The following CDK19 variants were observed in gnomAD, a reference collection of about 807,000 sequenced individuals.
The protein encoded by CDK19 is cyclin dependent kinase 19, also known as cyclin-dependent kinase 19.
CDK19 carries 20 observed loss-of-function variants against 68.3 expected under a neutral mutation model. The observed-to-expected ratio is 0.29, with a 90% CI of 0.21 to 0.43. The LOEUF is 0.43. Ranked by LOEUF, CDK19 falls within the 20% of genes least tolerant of loss-of-function variation. The probability of loss-of-function intolerance (pLI) is 1.00; values close to 1 mark genes in which losing one functional copy is unlikely to be tolerated. For missense variants in CDK19, 339 were observed against 623.5 expected (o/e 0.54, Z 4.86); for synonymous variants, 221 against 222.8 (o/e 0.99, Z 0.07).
chr6:110,745,525 C>G (rs1216719280), intron 2 of CDK19, among the ~76,000 whole-genome samples: 8 of 151,896 alleles, frequency 5.3e-5, no homozygotes, highest in African/African-American at 1.9e-4. Context: ...AGTCCTAAAG[C>G]TACAGAAAAA....
intron 1 of CDK19, chr6:110,814,521 G>A: frequency 2.2e-6 from 1 of 447,600 alleles, no homozygotes; most frequent in Non-Finnish European, 4.5e-6. Context: ...GGGCTGGCGA[G>A]GACCCCAGGC....
chr6:110,626,212 T>A (rs1313252576), intron 8 of CDK19, among the ~76,000 whole-genome samples: 1 of 152,228 alleles, frequency 6.6e-6, no homozygotes, highest in Non-Finnish European at 1.5e-5. Context: ...TAAAAGTTTT[T>A]AATACTGCAG....
At chr6:110,763,802 G>C (rs535268071) in intron 1 of CDK19, among the ~76,000 whole-genome samples, 35 of 152,200 alleles carry the variant, frequency 2.3e-4, no homozygotes, top group Admixed American at 5.2e-4. Context: ...AGATTGGAAA[G>C]GCAAAAATAA....
intron 1 of CDK19, among the ~76,000 whole-genome samples, chr6:110,764,536 T>C (rs1303742835): frequency 6.6e-6 from 1 of 152,238 alleles, no homozygotes; most frequent in Non-Finnish European, 1.5e-5. Flanking sequence ...GTGCTAGTTC[T>C]AGCACTGGAC....
intron 5 of CDK19, 57 bp downstream of exon 5, chr6:110,638,592 C>A: frequency 1.2e-6 from 1 of 851,082 alleles, no homozygotes; most frequent in Non-Finnish European, 2.0e-6. Context: ...AAAAGGGAAA[C>A]CATCTTTGCA....
chr6:110,810,885 A>G (rs1171057231), intron 1 of CDK19, among the ~76,000 whole-genome samples: 6 of 152,076 alleles, frequency 3.9e-5, no homozygotes, highest in Non-Finnish European at 7.4e-5. Flanking sequence ...TCCCTTTTCC[A>G]TATTTTTTTT....
intron 4 of CDK19, among the ~76,000 whole-genome samples, chr6:110,650,462 T>C (rs1179206519): frequency 6.6e-6 from 1 of 152,158 alleles, no homozygotes; most frequent in Non-Finnish European, 1.5e-5. Flanking sequence ...GTAACATCCA[T>C]AAATATTTCA....
At chr6:110,756,120 T>A (rs1778821187) in intron 1 of CDK19, among the ~76,000 whole-genome samples, 1 of 151,970 alleles carries the variant, frequency 6.6e-6, no homozygotes, top group Non-Finnish European at 1.5e-5. Flanking sequence ...TAGCTAGGCG[T>A]GGCACACACC....
At chr6:110,690,286 T>C (rs1424561902) in intron 2 of CDK19, among the ~76,000 whole-genome samples, 1 of 152,118 alleles carries the variant, frequency 6.6e-6, no homozygotes. Flanking sequence ...ACTCAGAACA[T>C]CAACATTCCT....
At chr6:110,632,662 C>T (rs572442747) in intron 5 of CDK19, among the ~76,000 whole-genome samples, 16 of 151,642 alleles carry the variant, frequency 1.1e-4, no homozygotes, top group South Asian at 8.4e-4. Flanking sequence ...ACCAGGGAGG[C>T]GGAGGCTGCA....
At chr6:110,662,490 G>T (rs1781681950) in intron 4 of CDK19, among the ~76,000 whole-genome samples, 2 of 152,074 alleles carry the variant, frequency 1.3e-5, no homozygotes, top group Non-Finnish European at 2.9e-5. Flanking sequence ...TTATCATTTA[G>T]CTGGCATTTC....
intron 2 of CDK19, among the ~76,000 whole-genome samples, chr6:110,695,225 T>C (rs1428502038): frequency 2.0e-5 from 3 of 152,194 alleles, no homozygotes; most frequent in East Asian, 1.9e-4. Flanking sequence ...TACAAATACA[T>C]GGAAATTAAA....
In CDK19 at chr6:110,612,742, A is replaced by C. The variant is rs1315552614; in HGVS notation, c.*1793T>G. ...AATGGAAGGGGTAAAACAGCAGGAG[A>C]CTATCAGAAACTCCTTCCAATGGAG... is the stretch of plus-strand genomic sequence containing the variant. On this transcript the variant is annotated 3_prime_UTR_variant, in exon 13 of 13. Transcript: ENST00000368911. 1 of 152,642 alleles carries C rather than the reference A, an allele frequency of 6.6e-6. No individual in the cohort carries two copies. Among genetic ancestry groups the C allele is most frequent in the Non-Finnish European group, 1.5e-5 (1 of 68,056 alleles). 9.5% of individuals were successfully genotyped at this position (152,642 alleles called of 1,614,324 possible).
chr6:110,805,264 T>C (rs1381255134), intron 1 of CDK19, among the ~76,000 whole-genome samples: 1 of 152,206 alleles, frequency 6.6e-6, no homozygotes, highest in African/African-American at 2.4e-5. Flanking sequence ...ATTGTCATGC[T>C]AGTTGTTCAT....
intron 2 of CDK19, among the ~76,000 whole-genome samples, chr6:110,728,284 T>C (rs1448092815): frequency 2.9e-5 from 4 of 137,080 alleles, no homozygotes; most frequent in Non-Finnish European, 4.6e-5. Flanking sequence ...CAAGACTCCA[T>C]CTCAAAAAAA....
intron 4 of CDK19, 89 bp from the exon 5 acceptor site, chr6:110,638,795 C>A: frequency 2.7e-6 from 2 of 751,520 alleles, no homozygotes; most frequent in South Asian, 1.6e-5. Flanking sequence ...TATAAAAAAT[C>A]ATTTCTGTAT....
chr6:110,681,951 A>G (rs1003784141), intron 2 of CDK19, among the ~76,000 whole-genome samples: 3 of 152,232 alleles, frequency 2.0e-5, no homozygotes, highest in Non-Finnish European at 4.4e-5. Flanking sequence ...AAAATAATCT[A>G]CAGTTAGAAT....
chr6:110,682,269 G>A (rs1400172301), intron 2 of CDK19, among the ~76,000 whole-genome samples: 3 of 152,208 alleles, frequency 2.0e-5, no homozygotes, highest in Non-Finnish European at 2.9e-5. Flanking sequence ...CAGTATCACC[G>A]ACTTTATTTT....
At chr6:110,684,931 G>T (rs1018256690) in intron 2 of CDK19, among the ~76,000 whole-genome samples, 14 of 152,146 alleles carry the variant, frequency 9.2e-5, no homozygotes, top group African/African-American at 3.4e-4. Context: ...CTGAGGTCAG[G>T]AGTTAGAGAC....
Sources: allele counts gnomAD v4.1 joint callset (sites outside exome capture counted in the v4.1 genomes callset), GRCh38; gene constraint gnomAD v4.1.1; transcripts MANE v1.5; gene names NCBI Gene and HGNC (gene_info 2026-07-23, HGNC 2026-07-21).